Variants in AGBL1 observed in about 807,000 individuals in gnomAD.
AGBL1 encodes the protein cytosolic carboxypeptidase 4.
In AGBL1, 130 loss-of-function variants were observed where a neutral mutation model predicts 118.9. That is an observed-to-expected ratio of 1.09 (90% CI 0.95 to 1.26). AGBL1 has a LOEUF of 1.26. AGBL1 is among the 50% of genes most tolerant of loss of function. AGBL1 has a pLI of 0.00. For missense variants in AGBL1, 1,584 were observed against 1,298.1 expected, an observed-to-expected ratio of 1.22 and a Z score of -3.38; for synonymous variants, 555 against 478.9, an observed-to-expected ratio of 1.16 and a Z score of -2.08.
intron 21 of AGBL1, among the ~76,000 whole-genome samples, chr15:86,623,466 A>G (rs1820192409): frequency 6.6e-6 from 1 of 152,234 alleles, no homozygotes; most frequent in Non-Finnish European, 1.5e-5. Context: ...TAGGATATGC[A>G]GAACTTTTGC....
chr15:86,085,431 A>G (rs1162524585), intron 1 of AGBL1, among the ~76,000 whole-genome samples: 1 of 152,208 alleles, frequency 6.6e-6, no homozygotes, highest in East Asian at 1.9e-4. Flanking sequence ...TTCAGGTCCA[A>G]CCATGCCCTT....
Position 86,537,435 on chromosome 15 carries a change from T to C in AGBL1, c.2686-8567T>C, listed in dbSNP as rs537181125. Among the ~76,000 whole-genome samples, 3 of 152,258 alleles carry C rather than the reference T, an allele frequency of 2.0e-5. No individual in the cohort carries two copies. In the South Asian group the frequency reaches 6.2e-4, roughly 32 times the overall value. ...GAAAGGTGACATCCAGGCTACTGCT[T>C]CTCTCCCTTCAATGTCTGAAACTGG... On this transcript the variant is annotated intron_variant, in intron 19 of 22. Transcript: ENST00000614907.
chr15:86,170,145 A>C (rs181370970), intron 5 of AGBL1, among the ~76,000 whole-genome samples: 4 of 152,252 alleles, frequency 2.6e-5, no homozygotes, highest in Admixed American at 6.5e-5. Context: ...CACATGTTCA[A>C]AAATTAAGTA....
At chr15:87,023,458 C>A (rs768606711) in intron 24 of AGBL1, among the ~76,000 whole-genome samples, 34 of 152,046 alleles carry the variant, frequency 2.2e-4, no homozygotes, top group Non-Finnish European at 4.1e-4. Flanking sequence ...ATGCACCTAA[C>A]ACTGGAGCTC....
rs546775717 is a variant in AGBL1, at chr15:86,727,231, C to T, written c.3158+52795C>T. On this transcript the variant is annotated intron_variant, in intron 22 of 22. Transcript: ENST00000614907. ...GGAAGGTGTGAGACATCCTGCCATA[C>T]TCAGGGACCTTCCACACCACAAAGG... 1.4e-4 allele frequency among the ~76,000 whole-genome samples: 22 copies of T among 152,200 alleles called. 1 individual carries two copies. The highest frequency in any genetic ancestry group is 5.1e-4 in the African/African-American group (21 of 41,534).
At chr15:86,185,724 C>T (rs564614324) in intron 5 of AGBL1, among the ~76,000 whole-genome samples, 75 of 138,994 alleles carry the variant, frequency 5.4e-4, no homozygotes, top group Non-Finnish European at 9.5e-4. Flanking sequence ...CTTGGACACA[C>T]GAAGGGGAAC....
At chr15:86,997,202 C>T (rs2701404) in intron 24 of AGBL1, among the ~76,000 whole-genome samples, 9 of 152,116 alleles carry the variant, frequency 5.9e-5, no homozygotes, top group African/African-American at 9.7e-5. Context: ...CCATGGCACT[C>T]TAGAGTCTAA....
chr15:86,417,449 AATGTTC>A (rs1413653634), intron 18 of AGBL1, among the ~76,000 whole-genome samples: 1 of 152,226 alleles, frequency 6.6e-6, no homozygotes. Context: ...TAATGCAATA[AATGTTC>A]ATTGAACATA....
At chr15:86,777,928 AG>A (rs1471972760) in intron 22 of AGBL1, among the ~76,000 whole-genome samples, 2 of 152,166 alleles carry the variant, frequency 1.3e-5, no homozygotes, top group African/African-American at 4.8e-5. Context: ...AAATTCAGCC[AG>A]ATATCCTGCG....
chr15:86,089,737 T>C (rs1414769847), intron 1 of AGBL1, among the ~76,000 whole-genome samples: 1 of 152,046 alleles, frequency 6.6e-6, no homozygotes, highest in African/African-American at 2.4e-5. Context: ...ACCCAGAGCA[T>C]CTATATCCCA....
chr15:86,080,041 G>A lies in AGBL1; in HGVS notation c.51+18G>A. 1 of 1,232,162 alleles carries A rather than the reference G, an allele frequency of 8.1e-7. No individual in the cohort carries two copies. 76.3% of individuals were successfully genotyped at this position (1,232,162 alleles called of 1,614,324 possible). A position where few individuals can be genotyped will look rare whatever the true frequency, so the allele number is the denominator to read the frequency against. On this transcript the variant is annotated intron_variant, in intron 1 of 22. Coordinates refer to ENST00000614907, the MANE Select transcript of AGBL1 (RefSeq NM_001386094.1). ...CGCTTCAGGTAGGAAAGGGTAGAGT[G>A]GGTGCAGAACCCGGCGGGCTGGGTG...
At chr15:86,438,548 C>T (rs1313838388) in intron 18 of AGBL1, among the ~76,000 whole-genome samples, 2 of 151,854 alleles carry the variant, frequency 1.3e-5, no homozygotes, top group East Asian at 1.9e-4. Flanking sequence ...TTCAAATAAA[C>T]AACCAATAGT....
At chr15:86,282,570 A>G (rs575480280) in intron 16 of AGBL1, among the ~76,000 whole-genome samples, 6 of 152,334 alleles carry the variant, frequency 3.9e-5, no homozygotes, top group African/African-American at 1.4e-4. Context: ...TACATTTCCA[A>G]TAACTCATGG....
At chr15:86,539,115 G>A (rs28574996) in intron 19 of AGBL1, among the ~76,000 whole-genome samples, 17,463 of 152,096 alleles carry the variant, frequency 0.11, 1,724 homozygotes, top group African/African-American at 0.26. Context: ...AGAAACTGAG[G>A]CACAGAGAGG....
intron 24 of AGBL1, among the ~76,000 whole-genome samples, chr15:87,009,589 C>T (rs60753421): frequency 0.099 from 15,092 of 152,178 alleles, 1,334 homozygotes; most frequent in African/African-American, 0.23. Context: ...GCCCCCAGAA[C>T]GATAAATCCA....
At chr15:86,284,273 TTA>T (rs749294137) in intron 16 of AGBL1, among the ~76,000 whole-genome samples, 3 of 150,894 alleles carry the variant, frequency 2.0e-5, no homozygotes, top group Non-Finnish European at 4.4e-5. Context: ...TTGATTATGA[TTA>T]TTTTTTTCTT....
At chr15:86,628,922 G>A (rs753030146) in intron 21 of AGBL1, among the ~76,000 whole-genome samples, 5 of 152,118 alleles carry the variant, frequency 3.3e-5, no homozygotes, top group Non-Finnish European at 7.3e-5. Flanking sequence ...ATATACATTG[G>A]GAAAGAGTCA....
chr15:86,311,261 T>C (rs2079916583), intron 17 of AGBL1, among the ~76,000 whole-genome samples: 1 of 152,226 alleles, frequency 6.6e-6, no homozygotes, highest in African/African-American at 2.4e-5. Context: ...GGCAGGTTGT[T>C]CAGAATAGTT....
At chr15:86,152,094 C>G (rs548965845) in intron 3 of AGBL1, among the ~76,000 whole-genome samples, 1 of 152,072 alleles carries the variant, frequency 6.6e-6, no homozygotes, top group African/African-American at 2.4e-5. Context: ...CCATACTGCC[C>G]GAAGTAATTT....
Sources: allele counts gnomAD v4.1 joint callset (sites outside exome capture counted in the v4.1 genomes callset), GRCh38; gene constraint gnomAD v4.1.1; transcripts MANE v1.5; gene names NCBI Gene and HGNC (gene_info 2026-07-23, HGNC 2026-07-21).